JMJD1C: variants seen among roughly 807,000 people sequenced by gnomAD.
The protein encoded by JMJD1C is jumonji domain-containing protein 1C.
JMJD1C carries 31 observed loss-of-function variants against 245.3 expected under a neutral mutation model. The observed-to-expected ratio is 0.13, with a 90% CI of 0.09 to 0.17. The LOEUF (loss-of-function observed/expected upper bound fraction) is 0.17. Among genes scored for constraint, JMJD1C ranks in the 10% least tolerant of loss-of-function variants. The probability of loss-of-function intolerance (pLI) is 1.00; values close to 1 mark genes in which losing one functional copy is unlikely to be tolerated. For synonymous variants in JMJD1C, 1,057 were observed against 1,017.4 expected, an observed-to-expected ratio of 1.04 and a Z score of -0.74; for missense variants, 2,691 against 3,000.2, an observed-to-expected ratio of 0.90 and a Z score of 2.41.
At chr10:63,490,413 A>ATT (rs1487214754) in intron 1 of JMJD1C, among the ~76,000 whole-genome samples, 22 of 123,748 alleles carry the variant, frequency 1.8e-4, no homozygotes, top group African/African-American at 5.1e-4. Flanking sequence ...ATAATTATTT[A>ATT]TTTATTTTAT....
At chr10:63,371,228 C>T (rs1156841689) in intron 2 of JMJD1C, among the ~76,000 whole-genome samples, 2 of 151,936 alleles carry the variant, frequency 1.3e-5, no homozygotes, top group Admixed American at 6.6e-5. Flanking sequence ...GCAATTCTCC[C>T]GCCTCAACCT....
chr10:63,374,894 T>C (rs1252461882), intron 2 of JMJD1C, among the ~76,000 whole-genome samples: 1 of 146,466 alleles, frequency 6.8e-6, no homozygotes, highest in East Asian at 1.9e-4. Flanking sequence ...CCAAATTCAT[T>C]TATTAGTTCC....
upstream of JMJD1C, among the ~76,000 whole-genome samples, chr10:63,469,435 A>G (rs897471393): frequency 3.3e-5 from 5 of 152,206 alleles, no homozygotes; most frequent in Non-Finnish European, 5.9e-5. Flanking sequence ...ATTAACTATT[A>G]TACTAAAAAG....
chr10:63,238,965 G>C (rs899443228), intron 3 of JMJD1C, among the ~76,000 whole-genome samples: 1 of 152,146 alleles, frequency 6.6e-6, no homozygotes, highest in Non-Finnish European at 1.5e-5. Flanking sequence ...ACAGATTAAA[G>C]TATCTTTGTA....
intron 1 of JMJD1C, among the ~76,000 whole-genome samples, chr10:63,419,159 G>A (rs1949972315): frequency 6.6e-6 from 1 of 150,894 alleles, no homozygotes; most frequent in South Asian, 2.1e-4. Context: ...GCCGAGGAGG[G>A]TCAATCACCT....
intron 1 of JMJD1C, chr10:63,382,926 AC>A (rs895594564): frequency 3.5e-5 from 16 of 453,598 alleles, no homozygotes; most frequent in Non-Finnish European, 6.6e-5. Context: ...TACTGCAATT[AC>A]TTTTTTTATA....
Position 63,193,050 on chromosome 10 carries a change from G to C in JMJD1C, c.5964C>G (p.Ser1988Arg). The change falls in exon 16 of 26, where the codon AGC becomes AGG. Residue 1988 changes from serine (S) to arginine (R), a missense_variant. This residue lies in a region of JMJD1C where 275 missense variants were observed against 285.5 expected (regional missense o/e 0.96). Coordinates refer to ENST00000399262, the MANE Select transcript of JMJD1C (RefSeq NM_032776.3). ...TPPKSEKNGG[S>R]SPESDVGTDN... ...CTGTGCCTACATCACTCTCTGGGCT[G>C]CTGCCACCATTTTTCTCAGACTTCG... The C allele has an allele frequency of 1.2e-6, 2 of 1,614,112 alleles. No individual in the cohort carries two copies. Among genetic ancestry groups the C allele is most frequent in the Non-Finnish European group, 1.7e-6 (2 of 1,179,992 alleles).
chr10:63,337,239 T>A (rs1405475564), intron 2 of JMJD1C, among the ~76,000 whole-genome samples: 1 of 150,878 alleles, frequency 6.6e-6, no homozygotes, highest in Non-Finnish European at 1.5e-5. Flanking sequence ...ACTGGGCACT[T>A]GAGACCAGCC....
exon 1 of JMJD1C, chr10:63,521,789 G>C (rs1406347054): frequency 3.1e-6 from 1 of 321,986 alleles, no homozygotes; most frequent in Non-Finnish European, 5.7e-6. Flanking sequence ...GCCTAGCTGC[G>C]GCGACTGCGG....
intron 2 of JMJD1C, among the ~76,000 whole-genome samples, chr10:63,358,437 C>A (rs534010571): frequency 6.6e-6 from 1 of 151,468 alleles, no homozygotes; most frequent in Non-Finnish European, 1.5e-5. Flanking sequence ...GTGGTGTGTA[C>A]CTGTCGTCCC....
intron 16 of JMJD1C, among the ~76,000 whole-genome samples, chr10:63,192,543 G>A (rs1041461263): frequency 2.6e-5 from 4 of 152,150 alleles, no homozygotes; most frequent in African/African-American, 9.7e-5. Flanking sequence ...ACTCTAGACT[G>A]GGCAACAAGA....
At chr10:63,282,298 A>G (rs1857505036) in intron 2 of JMJD1C, among the ~76,000 whole-genome samples, 1 of 152,178 alleles carries the variant, frequency 6.6e-6, no homozygotes, top group African/African-American at 2.4e-5. Context: ...TGCAGTATCT[A>G]TTTTTGCATA....
At chr10:63,346,352 A>G (rs1943816734) in intron 2 of JMJD1C, among the ~76,000 whole-genome samples, 1 of 152,242 alleles carries the variant, frequency 6.6e-6, no homozygotes, top group Non-Finnish European at 1.5e-5. Flanking sequence ...TATGAGTGAC[A>G]CTAGTTTTGT....
chr10:63,320,149 G>A (rs571397346), intron 2 of JMJD1C, among the ~76,000 whole-genome samples: 26 of 152,148 alleles, frequency 1.7e-4, no homozygotes, highest in South Asian at 6.2e-4. Flanking sequence ...CAAGTGATTC[G>A]CCTACCTCAG....
At chr10:63,345,604 T>G (rs1230383116) in intron 2 of JMJD1C, among the ~76,000 whole-genome samples, 1 of 152,142 alleles carries the variant, frequency 6.6e-6, no homozygotes, top group Admixed American at 6.6e-5. Flanking sequence ...GTTATATACT[T>G]TATCATTACA....
chr10:63,312,441 G>C (rs899956093), intron 2 of JMJD1C, among the ~76,000 whole-genome samples: 7 of 152,026 alleles, frequency 4.6e-5, no homozygotes, highest in Non-Finnish European at 7.4e-5. Flanking sequence ...CTGTGTGCTG[G>C]TAAGTAAATA....
intron 1 of JMJD1C, among the ~76,000 whole-genome samples, chr10:63,480,272 T>C (rs1953790152): frequency 6.6e-6 from 1 of 151,936 alleles, no homozygotes; most frequent in Non-Finnish European, 1.5e-5. Flanking sequence ...CCTAAATACA[T>C]TCGATGGGAG....
intron 3 of JMJD1C, among the ~76,000 whole-genome samples, chr10:63,220,769 GAGA>G (rs1450174300): frequency 2.6e-5 from 4 of 152,154 alleles, no homozygotes; most frequent in African/African-American, 4.8e-5. Context: ...TAGAGTAGCT[GAGA>G]AGAATAACAA....
In JMJD1C at chr10:63,168,449, C is replaced by A. The variant is rs755292204; in HGVS notation, c.7519G>T (p.Asp2507Tyr). The A allele has an allele frequency of 6.2e-7, 1 of 1,608,146 alleles. No individual in the cohort carries two copies. Among genetic ancestry groups the A allele is most frequent in the Non-Finnish European group, 8.5e-7 (1 of 1,178,068 alleles). The change falls in exon 25 of 26, where the codon GAT (aspartate) becomes TAT (tyrosine). Residue 2507 changes from aspartate (D) to tyrosine (Y), a missense_variant. This residue lies in a region of JMJD1C where 232 missense variants were observed against 416.1 expected (regional missense o/e 0.56). Transcript: ENST00000399262. ...CCAACTCTTACCTGTAGTTTATCATCATAATTGATTTCTTCCTTCAAAAGT... is the reference window on the plus strand; with the variant it reads ...CCAACTCTTACCTGTAGTTTATCATAATAATTGATTTCTTCCTTCAAAAGT... Reference protein sequence around the residue: ...LRLLKEEINYDDKLQVKNILY... With the variant: ...LRLLKEEINYYDKLQVKNILY...
Sources: gnomAD v4.1 joint callset for allele counts (sites outside exome capture counted in the v4.1 genomes callset) on GRCh38, gnomAD v4.1.1 for gene constraint, gnomAD v4.1.1 regional missense constraint, MANE v1.5 for transcripts, NCBI Gene and HGNC (gene_info 2026-07-23, HGNC 2026-07-21) for gene names.